The following KAZN variants were observed in gnomAD, a reference collection of about 807,000 sequenced individuals.
KAZN encodes kazrin, periplakin interacting protein, also known as kazrin.
Under a neutral mutation model 87.4 loss-of-function variants are expected in KAZN, and 40 were observed. The ratio of observed to expected loss-of-function variants is 0.46; its 90% CI spans 0.36 to 0.60. KAZN has a LOEUF of 0.60. Among genes scored for constraint, KAZN ranks in the 20% least tolerant of loss-of-function variants. The pLI, the probability that KAZN is intolerant of heterozygous loss-of-function variation, is 0.00. For missense variants in KAZN, 898 were observed against 1,073.9 expected, an observed-to-expected ratio of 0.84 and a Z score of 2.29; for synonymous variants, 466 against 458.3, an observed-to-expected ratio of 1.02 and a Z score of -0.22.
chr1:15,047,109 A>G (rs1673640194), intron 4 of KAZN, among the ~76,000 whole-genome samples: 1 of 152,144 alleles, frequency 6.6e-6, no homozygotes, highest in African/African-American at 2.4e-5. Context: ...AATGTTGGCA[A>G]CTCAGGTTGA....
Position 15,050,159 on chromosome 1 carries a change from G to GGAATAGAATAGAATAGAATA in KAZN, c.727-5888_727-5869dup, listed in dbSNP as rs1553180847. 4.7e-3 allele frequency among the ~76,000 whole-genome samples: 619 copies of GGAATAGAATAGAATAGAATA among 131,290 alleles called. 17 individuals carry two copies. Among genetic ancestry groups the GGAATAGAATAGAATAGAATA allele is most frequent in the Non-Finnish European group, 5.5e-3 (332 of 60,688 alleles). 86.1% of individuals were successfully genotyped at this position (131,290 alleles called of 152,430 possible). A position where few individuals can be genotyped will look rare whatever the true frequency, so the allele number is the denominator to read the frequency against. On this transcript the variant is annotated intron_variant, in intron 4 of 14. Coordinates refer to ENST00000376030, the MANE Select transcript of KAZN (RefSeq NM_201628.3). ...TCTCAATAGAATAATAGAATAGAATGGAATAGAATAGAATAGAATAGAATA... is the reference window on the plus strand; with the variant it reads ...TCTCAATAGAATAATAGAATAGAATGGAATAGAATAGAATAGAATAGAATAGAATAGAATAGAATAGAATA...
At chr1:14,398,722 T>C (rs1663114171) in intron 2 of KAZN, among the ~76,000 whole-genome samples, 1 of 152,192 alleles carries the variant, frequency 6.6e-6, no homozygotes, top group African/African-American at 2.4e-5. Context: ...AGCATTAGCA[T>C]GTTAAGGGCA....
intron 1 of KAZN, among the ~76,000 whole-genome samples, chr1:14,788,806 C>T (rs1645587136): frequency 6.6e-6 from 1 of 152,078 alleles, no homozygotes; most frequent in Non-Finnish European, 1.5e-5. Flanking sequence ...GTCACTTGTA[C>T]ACGTAGGAGG....
chr1:14,234,801 C>T (rs537476496), intron 2 of KAZN, among the ~76,000 whole-genome samples: 2 of 152,324 alleles, frequency 1.3e-5, no homozygotes, highest in African/African-American at 4.8e-5. Flanking sequence ...ATTGCCTATG[C>T]AACCTTTTGG....
intron 2 of KAZN, among the ~76,000 whole-genome samples, chr1:14,404,839 T>A (rs1663699980): frequency 1.3e-5 from 2 of 152,152 alleles, no homozygotes; most frequent in South Asian, 4.1e-4. Flanking sequence ...GTAAGAAAGG[T>A]CCACTTAAAG....
chr1:13,897,772 T>C (rs1639099800), intron 1 of KAZN, among the ~76,000 whole-genome samples: 1 of 152,232 alleles, frequency 6.6e-6, no homozygotes, highest in South Asian at 2.1e-4. Flanking sequence ...AAAAAATGTG[T>C]CTTGTCTCGC....
At chr1:14,980,949 G>A (rs935618668) in intron 2 of KAZN, among the ~76,000 whole-genome samples, 2 of 152,276 alleles carry the variant, frequency 1.3e-5, no homozygotes, top group Admixed American at 1.3e-4. Flanking sequence ...AAGAGCATGT[G>A]ACGCCCTGAC....
At chr1:14,470,134 A>G (rs1189997527) in intron 2 of KAZN, among the ~76,000 whole-genome samples, 1 of 152,246 alleles carries the variant, frequency 6.6e-6, no homozygotes, top group African/African-American at 2.4e-5. Context: ...GAAATGTCCA[A>G]AGACATACAA....
At chr1:14,343,793 T>A (rs1379292592) in intron 2 of KAZN, among the ~76,000 whole-genome samples, 1 of 152,218 alleles carries the variant, frequency 6.6e-6, no homozygotes, top group African/African-American at 2.4e-5. Context: ...TTGAGACCCA[T>A]TTTGAGGCAC....
chr1:14,638,089 T>G (rs531425964), intron 1 of KAZN, among the ~76,000 whole-genome samples: 1 of 152,238 alleles, frequency 6.6e-6, no homozygotes, highest in Admixed American at 6.5e-5. Context: ...CCGTGTGTCC[T>G]CTCCTCTTCT....
In KAZN at chr1:15,110,497, GTGTGTGTA is replaced by G. The variant is rs1467085642; in HGVS notation, c.2049-1928_2049-1921del. 8.7e-3 allele frequency among the ~76,000 whole-genome samples: 172 copies of G among 19,826 alleles called. 1 individual carries two copies. Among genetic ancestry groups the G allele is most frequent in the African/African-American group, 0.023 (168 of 7,306 alleles). The allele number at this position is 19,826 out of a possible 152,430, so 13.0% of individuals were successfully genotyped here. A position where few individuals can be genotyped will look rare whatever the true frequency, so the allele number is the denominator to read the frequency against. On this transcript the variant is annotated intron_variant, in intron 13 of 14. Transcript: ENST00000376030. ...TTTGTGTATTTGTGTGTGTATGTAT[GTGTGTGTA>G]TTTGTGTGTTTGTGTGTATGTGTTT...
chr1:14,972,836 G>A (rs1262699425), intron 2 of KAZN, among the ~76,000 whole-genome samples: 9 of 152,126 alleles, frequency 5.9e-5, no homozygotes. Context: ...TTGTAGAGTA[G>A]CCCCTGCTCG....
At chr1:13,982,888 C>G (rs1349492353) in intron 1 of KAZN, among the ~76,000 whole-genome samples, 1 of 151,632 alleles carries the variant, frequency 6.6e-6, no homozygotes, top group Non-Finnish European at 1.5e-5. Context: ...AATCCCTGAG[C>G]TAGACATAAA....
At chr1:13,944,379 G>T (rs1641055070) in intron 1 of KAZN, among the ~76,000 whole-genome samples, 1 of 152,166 alleles carries the variant, frequency 6.6e-6, no homozygotes, top group Non-Finnish European at 1.5e-5. Context: ...AATGGGAATG[G>T]AGATTAACTG....
At chr1:14,723,197 G>A (rs1226211461) in intron 1 of KAZN, among the ~76,000 whole-genome samples, 1 of 152,056 alleles carries the variant, frequency 6.6e-6, no homozygotes, top group Admixed American at 6.6e-5. Flanking sequence ...CATAGTCAAG[G>A]GGTGCATCTT....
At chr1:14,928,404 G>A (rs1045040368) in intron 1 of KAZN, among the ~76,000 whole-genome samples, 1 of 151,060 alleles carries the variant, frequency 6.6e-6, no homozygotes, top group Non-Finnish European at 1.5e-5. Flanking sequence ...AACCGAGATC[G>A]TGCCACTGCA....
At chr1:14,495,770 G>A (rs894229829) in intron 2 of KAZN, among the ~76,000 whole-genome samples, 6 of 152,112 alleles carry the variant, frequency 3.9e-5, no homozygotes, top group Admixed American at 6.5e-5. Context: ...TAGGAAATTT[G>A]GGGTAGAGGA....
intron 1 of KAZN, among the ~76,000 whole-genome samples, chr1:14,812,919 A>G (rs976311523): frequency 6.6e-6 from 1 of 152,196 alleles, no homozygotes; most frequent in Non-Finnish European, 1.5e-5. Context: ...TAGCCTTAAG[A>G]AATTCAGTCT....
At chr1:14,424,137 G>A (rs1266722458) in intron 2 of KAZN, among the ~76,000 whole-genome samples, 1 of 152,166 alleles carries the variant, frequency 6.6e-6, no homozygotes, top group African/African-American at 2.4e-5. Flanking sequence ...TGGGCAAGTA[G>A]CTTAGCCTCT....
Sources: gnomAD v4.1 joint callset for allele counts (sites outside exome capture counted in the v4.1 genomes callset) on GRCh38, gnomAD v4.1.1 for gene constraint, MANE v1.5 for transcripts, NCBI Gene and HGNC (gene_info 2026-07-23, HGNC 2026-07-21) for gene names.